Variants in GRM1 observed in about 807,000 individuals in gnomAD.
GRM1 encodes the protein glutamate metabotropic receptor 1.
GRM1 carries 33 observed loss-of-function variants against 90.9 expected under a neutral mutation model. That is an observed-to-expected ratio of 0.36 (90% CI 0.28 to 0.49). The LOEUF (loss-of-function observed/expected upper bound fraction) is 0.49. Among genes scored for constraint, GRM1 ranks in the 20% least tolerant of loss-of-function variants. GRM1 has a pLI of 0.99. For missense variants in GRM1, 1,190 were observed against 1,534.3 expected (o/e 0.78, Z 3.75); for synonymous variants, 700 against 613.2 (o/e 1.14, Z -2.09).
At chr6:146,220,733 A>G (rs1477280348) in intron 2 of GRM1, among the ~76,000 whole-genome samples, 1 of 151,938 alleles carries the variant, frequency 6.6e-6, no homozygotes, top group Non-Finnish European at 1.5e-5. Context: ...CCCTGTCCTC[A>G]TAGAGTTACA....
intron 2 of GRM1, among the ~76,000 whole-genome samples, chr6:146,182,363 T>C (rs17075714): frequency 0.063 from 9,631 of 152,180 alleles, 423 homozygotes; most frequent in African/African-American, 0.12. Context: ...GGATGAAACT[T>C]TTTCTTTTTT....
chr6:146,148,420 G>T (rs1160919622), intron 1 of GRM1, among the ~76,000 whole-genome samples: 1 of 151,690 alleles, frequency 6.6e-6, no homozygotes, highest in East Asian at 1.9e-4. Context: ...TTTATATTTT[G>T]CATTCTATTT....
intron 7 of GRM1, among the ~76,000 whole-genome samples, chr6:146,419,220 A>G (rs770733768): frequency 5.3e-5 from 8 of 152,224 alleles, no homozygotes; most frequent in Non-Finnish European, 1.2e-4. Flanking sequence ...AAATATTAAG[A>G]TATCATTTTA....
chr6:146,336,319 A>G (rs1002433178), intron 3 of GRM1, among the ~76,000 whole-genome samples: 1 of 152,142 alleles, frequency 6.6e-6, no homozygotes, highest in Non-Finnish European at 1.5e-5. Context: ...TGTCAAGAGG[A>G]GAGGAAGTAA....
chr6:146,336,069 C>A (rs1784762295), intron 3 of GRM1, among the ~76,000 whole-genome samples: 1 of 152,184 alleles, frequency 6.6e-6, no homozygotes, highest in Admixed American at 6.5e-5. Flanking sequence ...ATCCATTAAA[C>A]CTCTTTTTCT....
At chr6:146,242,055 A>G (rs1294003714) in intron 2 of GRM1, among the ~76,000 whole-genome samples, 2 of 152,120 alleles carry the variant, frequency 1.3e-5, no homozygotes. Context: ...AAGGAATAGT[A>G]TTCCAAGGAG....
intron 1 of GRM1, among the ~76,000 whole-genome samples, chr6:146,147,378 G>T (rs1404261555): frequency 6.6e-6 from 1 of 152,138 alleles, no homozygotes; most frequent in Non-Finnish European, 1.5e-5. Flanking sequence ...TGTAAATGGA[G>T]AGAATTATGA....
At chr6:146,034,170 A>C (rs1329109588) in intron 1 of GRM1, among the ~76,000 whole-genome samples, 1 of 152,062 alleles carries the variant, frequency 6.6e-6, no homozygotes, top group Non-Finnish European at 1.5e-5. Flanking sequence ...GCAGAATTTC[A>C]CCTGACTTTT....
intron 3 of GRM1, among the ~76,000 whole-genome samples, chr6:146,337,096 T>C (rs1248302919): frequency 6.6e-6 from 1 of 152,170 alleles, no homozygotes; most frequent in Non-Finnish European, 1.5e-5. Flanking sequence ...TATCATCATG[T>C]TTTCTGTGGA....
chr6:146,306,157 T>G (rs1043528232), intron 3 of GRM1, among the ~76,000 whole-genome samples: 29 of 152,136 alleles, frequency 1.9e-4, no homozygotes, highest in African/African-American at 6.8e-4. Flanking sequence ...TCAGTGTGGC[T>G]TCTAGGGAGG....
chr6:146,323,549 C>G (rs1784284267), intron 3 of GRM1, among the ~76,000 whole-genome samples: 1 of 152,112 alleles, frequency 6.6e-6, no homozygotes, highest in Admixed American at 6.5e-5. Flanking sequence ...GTTGCCTGTT[C>G]ACTCTGATGG....
At chr6:146,226,674 A>G (rs902009356) in intron 2 of GRM1, among the ~76,000 whole-genome samples, 2 of 152,054 alleles carry the variant, frequency 1.3e-5, no homozygotes, top group Non-Finnish European at 2.9e-5. Flanking sequence ...CTGATCATTT[A>G]TTTGCTCTAC....
chr6:146,101,334 T>C (rs527614371), intron 1 of GRM1, among the ~76,000 whole-genome samples: 1 of 152,206 alleles, frequency 6.6e-6, no homozygotes, highest in Admixed American at 6.5e-5. Context: ...TAGACTTTGC[T>C]TATCATTTCT....
At chr6:146,314,295 C>T (rs926417255) in intron 3 of GRM1, among the ~76,000 whole-genome samples, 6 of 150,976 alleles carry the variant, frequency 4.0e-5, no homozygotes, top group Non-Finnish European at 5.9e-5. Context: ...AGGCTGATCT[C>T]GAACTCCTGA....
intron 2 of GRM1, among the ~76,000 whole-genome samples, chr6:146,195,978 G>A (rs879738280): frequency 4.6e-5 from 7 of 152,176 alleles, no homozygotes; most frequent in Non-Finnish European, 8.8e-5. Context: ...GGACAGTCCA[G>A]GTGTATGTCT....
chr6:146,217,261 G>A (rs1227508798), intron 2 of GRM1, among the ~76,000 whole-genome samples: 5 of 152,192 alleles, frequency 3.3e-5, no homozygotes, highest in Non-Finnish European at 5.9e-5. Context: ...TAACCTTTGT[G>A]TATGTTCTTG....
intron 3 of GRM1, among the ~76,000 whole-genome samples, chr6:146,306,657 G>A (rs1276311112): frequency 6.6e-6 from 1 of 152,082 alleles, no homozygotes; most frequent in Non-Finnish European, 1.5e-5. Context: ...TCAGGGTAGG[G>A]AGTTTTGCTG....
intron 2 of GRM1, among the ~76,000 whole-genome samples, chr6:146,243,352 G>A (rs537765521): frequency 6.6e-6 from 1 of 152,014 alleles, no homozygotes; most frequent in African/African-American, 2.4e-5. Context: ...ATTACTTTAG[G>A]AGTGTTTCTG....
At chr6:146,085,357 A>G (rs939976003) in intron 1 of GRM1, among the ~76,000 whole-genome samples, 3 of 152,168 alleles carry the variant, frequency 2.0e-5, no homozygotes, top group Admixed American at 2.0e-4. Flanking sequence ...AAGAAACACT[A>G]ATGCCTCAAA....
Sources: allele counts gnomAD v4.1 joint callset (sites outside exome capture counted in the v4.1 genomes callset), GRCh38; gene constraint gnomAD v4.1.1; transcripts MANE v1.5; gene names NCBI Gene and HGNC (gene_info 2026-07-23, HGNC 2026-07-21).